Variants in CDC23 observed in about 807,000 individuals in gnomAD.
The protein encoded by CDC23 is cell division cycle 23.
In CDC23, 26 loss-of-function variants were observed where a neutral mutation model predicts 81.7. The ratio of observed to expected loss-of-function variants is 0.32; its 90% confidence interval spans 0.23 to 0.44. CDC23 has a LOEUF of 0.44. Among genes scored for constraint, CDC23 ranks in the 20% least tolerant of loss-of-function variants. CDC23 has a pLI of 1.00. For missense variants in CDC23, 519 were observed against 728.0 expected, an observed-to-expected ratio of 0.71 and a Z score of 3.30; for synonymous variants, 267 against 270.8, an observed-to-expected ratio of 0.99 and a Z score of 0.14.
intron 6 of CDC23, among the ~76,000 whole-genome samples, chr5:138,200,063 T>C (rs1286246808): frequency 6.6e-6 from 1 of 152,216 alleles, no homozygotes; most frequent in Admixed American, 6.5e-5. Flanking sequence ...ATTTCTTTAA[T>C]AAGCAAATTT....
chr5:138,211,245 A>G (rs1374997914), intron 2 of CDC23, among the ~76,000 whole-genome samples: 2 of 152,226 alleles, frequency 1.3e-5, no homozygotes, highest in African/African-American at 4.8e-5. Flanking sequence ...CCATTATCCA[A>G]AGTGAATTAA....
chr5:138,206,618 G>C lies in CDC23; in HGVS notation c.301C>G (p.Arg101Gly). The C allele has an allele frequency of 6.2e-7, 1 of 1,613,772 alleles. No individual in the cohort carries two copies. Among genetic ancestry groups the C allele is most frequent in the Non-Finnish European group, 8.5e-7 (1 of 1,179,728 alleles). ...KAYFDVKEYD[R>G]AAHFLHGCNS... ...CAGCCATGCAGGAAATGTGCTGCCC[G>C]ATCATACTCTTTAACGTCAAAGTAG... Residue 101 changes from arginine (R) to glycine (G), a missense_variant, in exon 3 of 16, where the codon CGG (arginine) becomes GGG (glycine). Transcript: ENST00000394886.
At chr5:138,206,770 T>C (rs1755054266) in intron 2 of CDC23, 86 bp from the exon 3 acceptor site, 2 of 1,312,398 alleles carry the variant, frequency 1.5e-6, no homozygotes, top group Non-Finnish European at 2.1e-6. Flanking sequence ...AATTTCAAGA[T>C]GTAAAAGAAA....
chr5:138,195,685 CATATA>C (rs1222261821), intron 9 of CDC23, among the ~76,000 whole-genome samples: 4 of 94,860 alleles, frequency 4.2e-5, no homozygotes, highest in East Asian at 5.1e-4. Flanking sequence ...TGCATATATA[CATATA>C]ATATATATGC....
intron 15 of CDC23, 145 bp downstream of exon 15, chr5:138,189,488 G>T: frequency 1.3e-6 from 1 of 773,360 alleles, no homozygotes. Context: ...TGAACTCCTG[G>T]ACACAAGCGA....
At position 138,193,487 on chromosome 5, in the gene CDC23, T is replaced by C. The variant is rs555331696; in HGVS notation, c.1013-830A>G. 2.0e-5 allele frequency among the ~76,000 whole-genome samples: 3 copies of C among 152,084 alleles called. No homozygotes were observed. In the South Asian group the frequency reaches 6.2e-4, roughly 32 times the overall value. ...GGCGCACATCTGTAGTCCCAGCTAC[T>C]CAGGAAGCTGAGGCAGGAGAATCGC... On this transcript the variant is annotated intron_variant, in intron 9 of 15. Coordinates refer to ENST00000394886, the MANE Select transcript of CDC23 (RefSeq NM_004661.4).
intron 3 of CDC23, among the ~76,000 whole-genome samples, chr5:138,202,629 T>C (rs1366219016): frequency 6.6e-6 from 1 of 152,194 alleles, no homozygotes; most frequent in East Asian, 1.9e-4. Context: ...TGGCCAAATC[T>C]GGAGTTATCT....
chr5:138,195,057 A>AT (rs945495746), intron 9 of CDC23, among the ~76,000 whole-genome samples: 6 of 151,774 alleles, frequency 4.0e-5, no homozygotes, highest in African/African-American at 7.3e-5. Flanking sequence ...CCTAAGCTAT[A>AT]TTTTTTTTAA....
chr5:138,210,215 CAAA>C (rs374700363), intron 2 of CDC23, among the ~76,000 whole-genome samples: 1 of 114,022 alleles, frequency 8.8e-6, no homozygotes, highest in Non-Finnish European at 1.9e-5. Flanking sequence ...GACTCCGTCT[CAAA>C]AAAAAAAAAA....
chr5:138,201,538 G>T, intron 4 of CDC23, 90 bp from the exon 5 acceptor site: 1 of 933,572 alleles, frequency 1.1e-6, no homozygotes, highest in Admixed American at 2.9e-5. Context: ...CTAGAGACAG[G>T]GTCTCGCTAT....
chr5:138,196,128 G>C (rs1221218110), intron 9 of CDC23, among the ~76,000 whole-genome samples: 1 of 151,470 alleles, frequency 6.6e-6, no homozygotes, highest in Non-Finnish European at 1.5e-5. Flanking sequence ...TTTTAAGGTA[G>C]GTGGGCTGAA....
chr5:138,193,762 C>G (rs1754852864), intron 9 of CDC23, among the ~76,000 whole-genome samples: 1 of 151,972 alleles, frequency 6.6e-6, no homozygotes, highest in African/African-American at 2.4e-5. Flanking sequence ...AGTTCGAGAC[C>G]AGTCTGACCA....
At chr5:138,193,984 T>TCTCACACAAGACGTCTCACAC (rs1754855993) in intron 9 of CDC23, among the ~76,000 whole-genome samples, 2 of 150,332 alleles carry the variant, frequency 1.3e-5, no homozygotes. Flanking sequence ...GGTAGCGCTC[T>TCTCACACAAGACGTCTCACAC]AAGTTTCCGT....
At chr5:138,202,052 G>C in intron 4 of CDC23, 61 bp downstream of exon 4, 2 of 1,167,220 alleles carry the variant, frequency 1.7e-6, no homozygotes, top group South Asian at 1.3e-5. Context: ...CTGGCTGTTG[G>C]AGGCATTTAA....
chr5:138,198,348 A>C (rs1754942792), intron 8 of CDC23, 68 bp from the exon 9 acceptor site: 4 of 1,576,720 alleles, frequency 2.5e-6, no homozygotes, highest in Admixed American at 3.4e-5. Context: ...TCCTGTAGCT[A>C]ATACAAGTGG....
At chr5:138,211,639 A>C (rs1435065413) in intron 2 of CDC23, among the ~76,000 whole-genome samples, 1 of 151,946 alleles carries the variant, frequency 6.6e-6, no homozygotes, top group Non-Finnish European at 1.5e-5. Flanking sequence ...CAGCCTGGGC[A>C]ACAAGAGCAA....
chr5:138,207,760 G>A (rs1303158845), intron 2 of CDC23, among the ~76,000 whole-genome samples: 1 of 151,912 alleles, frequency 6.6e-6, no homozygotes, highest in Non-Finnish European at 1.5e-5. Context: ...GTTCAGGACC[G>A]GCCTGGGCAA....
chr5:138,191,666 G>C, intron 12 of CDC23, 131 bp from the exon 13 acceptor site: 1 of 988,708 alleles, frequency 1.0e-6, no homozygotes, highest in Non-Finnish European at 1.6e-6. Context: ...TACTAGTTCT[G>C]ATAGGTCTAG....
At chr5:138,197,462 A>G (rs914913635) in intron 9 of CDC23, among the ~76,000 whole-genome samples, 8 of 151,374 alleles carry the variant, frequency 5.3e-5, no homozygotes. Context: ...TTTGGCAAGC[A>G]AACAATATAG....
Sources: allele counts gnomAD v4.1 joint callset (sites outside exome capture counted in the v4.1 genomes callset), GRCh38; gene constraint gnomAD v4.1.1; transcripts MANE v1.5; gene names NCBI Gene and HGNC (gene_info 2026-07-23, HGNC 2026-07-21).